The following LRPPRC variants were observed in gnomAD, a reference collection of about 807,000 sequenced individuals.
LRPPRC encodes leucine rich pentatricopeptide repeat containing.
A neutral mutation model predicts 180.3 loss-of-function variants in LRPPRC; 120 were observed. The ratio of observed to expected loss-of-function variants is 0.67; its 90% confidence interval spans 0.57 to 0.77. The LOEUF (loss-of-function observed/expected upper bound fraction) is 0.77. LRPPRC is among the 30% of genes least tolerant of loss of function. The pLI is 0.00. For missense variants in LRPPRC, 2,012 were observed against 1,657.2 expected (o/e 1.21, Z -3.72); for synonymous variants, 723 against 600.0 (o/e 1.21, Z -3.00).
chr2:43,943,635 A>G, intron 23 of LRPPRC, 52 bp downstream of exon 23: 2 of 1,436,892 alleles, frequency 1.4e-6, no homozygotes, highest in Non-Finnish European at 2.0e-6. Context: ...GAAAATTATT[A>G]GACTCATTCT....
intron 7 of LRPPRC, 34 bp from the exon 8 acceptor site, chr2:43,974,792 T>C: frequency 6.2e-7 from 1 of 1,602,412 alleles, no homozygotes. Flanking sequence ...AAGACAAAGT[T>C]AGAGTGTTTT....
intron 8 of LRPPRC, 59 bp from the exon 9 acceptor site, chr2:43,974,354 A>T: frequency 1.6e-6 from 2 of 1,254,986 alleles, no homozygotes; most frequent in Non-Finnish European, 2.3e-6. Context: ...TTACACTGCA[A>T]CCAATGTTCC....
Position 43,896,683 on chromosome 2 carries a change from G to A in LRPPRC, c.3851C>T (p.Thr1284Ile). Residue 1284 changes from threonine to isoleucine, a missense_variant, in exon 35 of 38, where the codon ACC becomes ATC. Coordinates refer to ENST00000260665, the MANE Select transcript of LRPPRC (RefSeq NM_133259.4). ...LQRCGAIAEQ[T>I]PILLLFLLRN... ...AAGGAGGAACAACAACAAAATCGGG[G>A]TTTGTTCAGCAATTGCACCACATCT... 2 of 1,611,918 alleles carry A rather than the reference G, an allele frequency of 1.2e-6. No individual in the cohort carries two copies. Among genetic ancestry groups the A allele is most frequent in the Non-Finnish European group, 1.7e-6 (2 of 1,178,102 alleles).
chr2:43,891,202 T>A (rs1372599021), intron 36 of LRPPRC, among the ~76,000 whole-genome samples: 1 of 152,242 alleles, frequency 6.6e-6, no homozygotes, highest in Non-Finnish European at 1.5e-5. Flanking sequence ...AGGAAGCTGC[T>A]CCGAAAATTC....
chr2:43,989,151 G>T (rs960843444), intron 1 of LRPPRC, among the ~76,000 whole-genome samples: 2 of 152,092 alleles, frequency 1.3e-5, no homozygotes, highest in African/African-American at 4.8e-5. Flanking sequence ...GAGATTACTG[G>T]GCCTGGCCTA....
In LRPPRC at chr2:43,912,378, G is replaced by A. The variant is rs897420439; in HGVS notation, c.3275+54C>T. ...ATTACTATTATAATTATTGGCTAATGGCAGCCAATATTCTTTTTTAAACAA... is the reference window on the plus strand; with the variant it reads ...ATTACTATTATAATTATTGGCTAATAGCAGCCAATATTCTTTTTTAAACAA... On this transcript the variant is annotated intron_variant, in intron 30 of 37. Coordinates refer to ENST00000260665, the MANE Select transcript of LRPPRC (RefSeq NM_133259.4). 11 of 1,510,374 alleles carry A rather than the reference G, an allele frequency of 7.3e-6. No individual in the cohort carries two copies. In the Admixed American group the frequency reaches 1.8e-4, roughly 25 times the overall value. The allele number at this position is 1,510,374 out of a possible 1,614,324, so 93.6% of individuals were successfully genotyped here.
rs62138280 is a variant in LRPPRC at position 43,924,919 on chromosome 2, A to G, written c.2896+148T>C. ...GTGCTACGATATAACATTCTGTGAT[A>G]AAATTCAATCTAGCCTCTACCTGAG... On this transcript the variant is annotated intron_variant, in intron 27 of 37. Coordinates refer to ENST00000260665, the MANE Select transcript of LRPPRC (RefSeq NM_133259.4). 0.093 allele frequency: 60,912 copies of G among 653,550 alleles called. 3,393 individuals carry two copies. Among genetic ancestry groups the G allele is most frequent in the South Asian group, 0.15 (8,651 of 57,540 alleles). The allele number at this position is 653,550 out of a possible 1,614,324, so 40.5% of individuals were successfully genotyped here.
chr2:43,888,836 G>A (rs750722047), intron 37 of LRPPRC, among the ~76,000 whole-genome samples, 180 bp from the exon 38 acceptor site: 3 of 152,094 alleles, frequency 2.0e-5, no homozygotes, highest in Non-Finnish European at 4.4e-5. Context: ...CAAGGGCCTC[G>A]GGTTCAGAGT....
chr2:43,981,701 T>C (rs1280066302), intron 2 of LRPPRC, among the ~76,000 whole-genome samples: 2 of 152,036 alleles, frequency 1.3e-5, no homozygotes, highest in Non-Finnish European at 2.9e-5. Context: ...CTCCAAACTT[T>C]GCCCAGATGA....
intron 13 of LRPPRC, among the ~76,000 whole-genome samples, chr2:43,959,740 T>C (rs755967903): frequency 1.6e-4 from 25 of 151,866 alleles, no homozygotes; most frequent in Non-Finnish European, 3.4e-4. Flanking sequence ...AAAAATTAGC[T>C]GGGCATAGTG....
intron 11 of LRPPRC, among the ~76,000 whole-genome samples, chr2:43,966,661 G>A (rs1377229771): frequency 6.6e-6 from 1 of 151,284 alleles, no homozygotes; most frequent in Non-Finnish European, 1.5e-5. Flanking sequence ...GCCTGCATCT[G>A]CCTCCCAAAG....
rs559812880 is a variant in LRPPRC at position 43,917,998 on chromosome 2, C to T, written c.3148+27G>A. On this transcript the variant is annotated intron_variant, in intron 29 of 37. Transcript: ENST00000260665. ...TTAGAAAGAAGACCACCCCCCCACACACACCCCCATCCCCGTATGTGCTTG... is the reference window on the plus strand; with the variant it reads ...TTAGAAAGAAGACCACCCCCCCACATACACCCCCATCCCCGTATGTGCTTG... 2.6e-5 allele frequency: 38 copies of T among 1,469,750 alleles called. No individual in the cohort carries two copies. The Admixed American group carries it at 4.0e-4, about 16-fold the overall frequency. The allele number at this position is 1,469,750 out of a possible 1,614,324, so 91.0% of individuals were successfully genotyped here. A position where few individuals can be genotyped will look rare whatever the true frequency, so the allele number is the denominator to read the frequency against.
chr2:43,967,696 A>T (rs943107744), intron 11 of LRPPRC, among the ~76,000 whole-genome samples: 4 of 150,718 alleles, frequency 2.7e-5, no homozygotes, highest in Non-Finnish European at 4.5e-5. Flanking sequence ...TCGGTCTCAA[A>T]TAATAATAAT....
At position 43,887,038 on chromosome 2, in the gene LRPPRC, T is replaced by G. The variant is rs1670293478; in HGVS notation, c.*1562A>C. ...GTGCAAGCCTGTAATCTCAGCTACG[T>G]GGGAGGCTGAGGCACAAGAATCACT... On this transcript the variant is annotated 3_prime_UTR_variant, in exon 38 of 38. Coordinates refer to ENST00000260665, the MANE Select transcript of LRPPRC (RefSeq NM_133259.4). The G allele has an allele frequency of 6.8e-6, 1 of 147,254 alleles. No individual in the cohort carries two copies. The highest frequency in any genetic ancestry group is 2.5e-5 in the African/African-American group (1 of 39,460). The allele number at this position is 147,254 out of a possible 1,614,324, so 9.1% of individuals were successfully genotyped here. A position where few individuals can be genotyped will look rare whatever the true frequency, so the allele number is the denominator to read the frequency against.
chr2:43,904,707 CAA>C, intron 31 of LRPPRC: 2 of 81,030 alleles, frequency 2.5e-5, no homozygotes, highest in Non-Finnish European at 2.5e-5. Flanking sequence ...AAAACAAAAA[CAA>C]AAAAAAAAAA....
At chr2:43,956,823 G>A (rs760116848) in intron 14 of LRPPRC, among the ~76,000 whole-genome samples, 18 of 152,156 alleles carry the variant, frequency 1.2e-4, no homozygotes, top group Non-Finnish European at 2.1e-4. Context: ...CCAGGAGGCG[G>A]ACGTCGCAGT....
intron 1 of LRPPRC, among the ~76,000 whole-genome samples, chr2:43,990,889 A>G (rs1674745813): frequency 6.8e-6 from 1 of 146,834 alleles, no homozygotes; most frequent in Non-Finnish European, 1.5e-5. Context: ...TTCGTAGCCC[A>G]GGCTGGAGTG....
rs10190161 is a variant in LRPPRC, at chr2:43,960,690, A to C, written c.1489-56T>G. ...CATCTCAGCTAACAATATTTTGATA[A>C]GCCAAAGATCCTGTTTTCCTGATTA... On this transcript the variant is annotated intron_variant, in intron 12 of 37. Transcript: ENST00000260665. 564,556 of 841,974 alleles carry C rather than the reference A, an allele frequency of 0.67. 200,300 individuals are homozygous for C. The highest frequency in any genetic ancestry group is 0.75 in the Middle Eastern group (3,408 of 4,550). The allele number at this position is 841,974 out of a possible 1,614,324, so 52.2% of individuals were successfully genotyped here. A position where few individuals can be genotyped will look rare whatever the true frequency, so the allele number is the denominator to read the frequency against.
intron 31 of LRPPRC, chr2:43,903,592 G>A (rs1214265311): frequency 6.7e-6 from 1 of 150,010 alleles, no homozygotes; most frequent in Non-Finnish European, 1.5e-5. Context: ...GGTGGGGGTG[G>A]GGGAGGTAGT....
Sources: gnomAD v4.1 joint callset for allele counts (sites outside exome capture counted in the v4.1 genomes callset) on GRCh38, gnomAD v4.1.1 for gene constraint, MANE v1.5 for transcripts, NCBI Gene and HGNC (gene_info 2026-07-23, HGNC 2026-07-21) for gene names.